Variants in OTOGL observed in about 807,000 individuals in gnomAD.
The protein encoded by OTOGL is otogelin like, also known as otogelin-like protein.
A neutral mutation model predicts 318.5 loss-of-function variants in OTOGL; 285 were observed. That is an observed-to-expected ratio of 0.89 (90% CI 0.81 to 0.99). OTOGL has a LOEUF of 0.99. Ranked by LOEUF, OTOGL falls within the 50% of genes least tolerant of loss-of-function variation. The probability of loss-of-function intolerance (pLI) is 0.00; values close to 1 mark genes in which losing one functional copy is unlikely to be tolerated. For synonymous variants in OTOGL, 987 were observed against 936.5 expected, an observed-to-expected ratio of 1.05 and a Z score of -0.99; for missense variants, 2,899 against 2,845.6, an observed-to-expected ratio of 1.02 and a Z score of -0.43.
chr12:80,331,333 A>ATTTTTTTTTTTTTTTTTTTTTTTTTT (rs386377119), intron 37 of OTOGL, among the ~76,000 whole-genome samples: 3 of 81,816 alleles, frequency 3.7e-5, no homozygotes, highest in African/African-American at 4.8e-5. Context: ...AGTCATTAGA[A>ATTTTTTTTTTTTTTTTTTTTTTTTTT]TTTTTTTTTT....
chr12:80,351,408 C>T (rs1309505498), intron 44 of OTOGL, among the ~76,000 whole-genome samples: 5 of 151,996 alleles, frequency 3.3e-5, no homozygotes, highest in Admixed American at 1.3e-4. Context: ...CTCTGCCTCC[C>T]GGGTTCAAGA....
intron 26 of OTOGL, among the ~76,000 whole-genome samples, chr12:80,282,079 A>G (rs1021302832): frequency 3.9e-5 from 6 of 151,900 alleles, no homozygotes; most frequent in Non-Finnish European, 8.8e-5. Context: ...CATTGAATGC[A>G]TTTGAATTAC....
Position 80,251,783 on chromosome 12 carries a change from T to C in OTOGL, c.1143T>C (p.Asp381=). 1 of 1,581,346 alleles carries C rather than the reference T, an allele frequency of 6.3e-7. No homozygotes were observed. Among genetic ancestry groups the C allele is most frequent in the Middle Eastern group, 1.7e-4 (1 of 6,010 alleles). ...GCTACCCTATTCAAGACTGGAGAGA[T>C]GACTTTCCAGCATGCAGTATGTTTT... ...HAGYPIQDWR[D]DFPACTDKCD... is the part of the protein sequence containing the mutation. Residue 381 remains aspartate (D), a synonymous_variant, in exon 12 of 59, where the codon GAT becomes GAC. Transcript: ENST00000547103.
intron 43 of OTOGL, 67 bp downstream of exon 43, chr12:80,339,331 C>T (rs79787823): frequency 6.2e-5 from 72 of 1,168,056 alleles, no homozygotes; most frequent in Non-Finnish European, 7.4e-5. Flanking sequence ...TTTCTATTCA[C>T]GCTATGCCAT....
chr12:80,126,346 G>A (rs181799218), intron 1 of OTOGL, among the ~76,000 whole-genome samples: 90 of 152,164 alleles, frequency 5.9e-4, no homozygotes, highest in African/African-American at 1.8e-3. Flanking sequence ...GTAGTTGAGC[G>A]GTTTTGAGTG....
intron 52 of OTOGL, among the ~76,000 whole-genome samples, chr12:80,360,718 G>T (rs1223156693): frequency 6.6e-6 from 1 of 151,904 alleles, no homozygotes; most frequent in Non-Finnish European, 1.5e-5. Flanking sequence ...CTTACCTCGT[G>T]ATCTGCTCGC....
chr12:80,221,985 G>A, intron 6 of OTOGL, 106 bp from the exon 7 acceptor site: 1 of 1,273,482 alleles, frequency 7.9e-7, no homozygotes, highest in Non-Finnish European at 1.1e-6. Context: ...ATAGACCAAG[G>A]AAGGAAATTT....
intron 44 of OTOGL, among the ~76,000 whole-genome samples, chr12:80,352,047 C>T (rs1470921790): frequency 6.6e-6 from 1 of 152,184 alleles, no homozygotes; most frequent in Non-Finnish European, 1.5e-5. Flanking sequence ...CTTGGCTCCA[C>T]ATACTCTGTT....
At chr12:80,174,188 C>T (rs1874382959) in intron 1 of OTOGL, among the ~76,000 whole-genome samples, 1 of 152,150 alleles carries the variant, frequency 6.6e-6, no homozygotes, top group African/African-American at 2.4e-5. Context: ...CAGATTTTTA[C>T]ATTACCCATC....
At chr12:80,246,066 A>C (rs1390685128) in intron 11 of OTOGL, among the ~76,000 whole-genome samples, 1 of 151,482 alleles carries the variant, frequency 6.6e-6, no homozygotes, top group Non-Finnish European at 1.5e-5. Flanking sequence ...TTTTGGGCTG[A>C]GACAATGGGG....
chr12:80,251,780 A>G lies in OTOGL; in HGVS notation c.1140A>G (p.Arg380=). 6.3e-7 allele frequency: 1 copy of G among 1,583,398 alleles called. No individual in the cohort carries two copies. The change falls in exon 12 of 59, where the codon AGA becomes AGG. Residue 380 remains arginine (R), a synonymous_variant. Transcript: ENST00000547103. ...CTGGCTACCCTATTCAAGACTGGAG[A>G]GATGACTTTCCAGCATGCAGTATGT... ...SHAGYPIQDW[R]DDFPACTDKC... is the part of the protein sequence containing the mutation.
chr12:80,160,135 A>G (rs947842332), intron 1 of OTOGL, among the ~76,000 whole-genome samples: 13 of 152,290 alleles, frequency 8.5e-5, no homozygotes, highest in African/African-American at 3.1e-4. Context: ...ACCTGAAAAT[A>G]TAAAAATTCT....
intron 23 of OTOGL, among the ~76,000 whole-genome samples, chr12:80,270,911 A>G (rs1057020471): frequency 2.0e-5 from 3 of 152,054 alleles, no homozygotes; most frequent in Admixed American, 1.3e-4. Context: ...GTGTAGGCTA[A>G]TAAAAGTAAT....
At position 80,377,828 on chromosome 12, in the gene OTOGL, C is replaced by T. The variant is rs1338189801; in HGVS notation, c.6862-20C>T. On this transcript the variant is annotated intron_variant, in intron 58 of 58. Coordinates refer to ENST00000547103, the MANE Select transcript of OTOGL (RefSeq NM_001378609.3). ...CTTTTAAAAGTTTAAGACTTTTTTT[C>T]TCATTGTCACTTCTTACAGATAAAT... The T allele has an allele frequency of 2.6e-6, 4 of 1,561,796 alleles. No homozygotes were observed. Among genetic ancestry groups the T allele is most frequent in the Admixed American group, 3.7e-5 (2 of 54,362 alleles).
intron 29 of OTOGL, among the ~76,000 whole-genome samples, chr12:80,307,731 G>A (rs1273887977): frequency 6.9e-6 from 1 of 145,236 alleles, no homozygotes; most frequent in Non-Finnish European, 1.5e-5. Flanking sequence ...GCGGCTGGCC[G>A]AGCGGGGGGC....
chr12:80,285,775 G>A (rs187433369), intron 26 of OTOGL, among the ~76,000 whole-genome samples: 1 of 152,280 alleles, frequency 6.6e-6, no homozygotes, highest in East Asian at 1.9e-4. Context: ...TTTTTGGGCT[G>A]AGATGATGGG....
At chr12:80,296,702 A>C in intron 26 of OTOGL, 125 bp from the exon 27 acceptor site, 1 of 620,818 alleles carries the variant, frequency 1.6e-6, no homozygotes, top group Non-Finnish European at 2.2e-6. Flanking sequence ...TTTTTATTTT[A>C]GAGGTAAGTT....
At chr12:80,269,339 A>G (rs1356108769) in intron 22 of OTOGL, among the ~76,000 whole-genome samples, 1 of 152,156 alleles carries the variant, frequency 6.6e-6, no homozygotes, top group Non-Finnish European at 1.5e-5. Flanking sequence ...AATTTTTCCT[A>G]TATGTGGCTC....
chr12:80,275,250 T>C (rs888592133), intron 24 of OTOGL, among the ~76,000 whole-genome samples: 2 of 151,966 alleles, frequency 1.3e-5, no homozygotes, highest in African/African-American at 4.8e-5. Flanking sequence ...GGTCAAAATA[T>C]CAACACGAAC....
Sources: allele counts gnomAD v4.1 joint callset (sites outside exome capture counted in the v4.1 genomes callset), GRCh38; gene constraint gnomAD v4.1.1; transcripts MANE v1.5; gene names NCBI Gene and HGNC (gene_info 2026-07-23, HGNC 2026-07-21).